UBE2K: variants seen among roughly 807,000 people sequenced by gnomAD.
UBE2K encodes the protein ubiquitin-conjugating enzyme E2 K.
Under a neutral mutation model 30.0 loss-of-function variants are expected in UBE2K, and 6 were observed. The observed-to-expected ratio is 0.20, with a 90% CI of 0.11 to 0.39. UBE2K has a LOEUF of 0.39. Ranked by LOEUF, UBE2K falls within the 10% of genes least tolerant of loss-of-function variation. The pLI is 1.00. For synonymous variants in UBE2K, 86 were observed against 83.7 expected, an observed-to-expected ratio of 1.03 and a Z score of -0.15; for missense variants, 61 against 241.6, an observed-to-expected ratio of 0.25 and a Z score of 4.96.
chr4:39,759,439 G>A (rs940069401), intron 4 of UBE2K, among the ~76,000 whole-genome samples: 10 of 152,112 alleles, frequency 6.6e-5, no homozygotes, highest in South Asian at 2.1e-4. Flanking sequence ...GTGCCACCAC[G>A]CCCAGCTAAT....
chr4:39,769,602 C>G (rs1253702196), intron 4 of UBE2K, among the ~76,000 whole-genome samples: 2 of 148,826 alleles, frequency 1.3e-5, no homozygotes, highest in Admixed American at 6.6e-5. Flanking sequence ...TAATCTTTTC[C>G]CCTTACCACT....
At chr4:39,739,089 G>A (rs540469280) in intron 2 of UBE2K, among the ~76,000 whole-genome samples, 21 of 151,282 alleles carry the variant, frequency 1.4e-4, no homozygotes, top group East Asian at 5.9e-4. Flanking sequence ...GTGCAGTGGC[G>A]CGATCTCGGC....
chr4:39,712,368 A>ATTTTTTTT (rs60301036), intron 1 of UBE2K, among the ~76,000 whole-genome samples: 1 of 53,620 alleles, frequency 1.9e-5, no homozygotes, highest in African/African-American at 8.1e-5. Context: ...CGCCCGGCCA[A>ATTTTTTTT]TTTTTTTTTT....
chr4:39,738,079 A>G (rs1720469760), intron 2 of UBE2K, among the ~76,000 whole-genome samples: 1 of 152,186 alleles, frequency 6.6e-6, no homozygotes, highest in South Asian at 2.1e-4. Flanking sequence ...AGACCATGGA[A>G]TCGGGTGGTA....
In UBE2K at chr4:39,749,753, G is replaced by C. The variant is rs375223890; in HGVS notation, c.216+3943G>C. Among the ~76,000 whole-genome samples, 3 of 152,004 alleles carry C rather than the reference G, an allele frequency of 2.0e-5. No individual in the cohort carries two copies. In the East Asian group the frequency reaches 5.8e-4, roughly 29 times the overall value. On this transcript the variant is annotated intron_variant, in intron 3 of 6. Transcript: ENST00000261427. ...TATCATCATACTTTTTACATGTTAAGTTGTATATACATACCAATGCTAATA... is the reference window on the plus strand; with the variant it reads ...TATCATCATACTTTTTACATGTTAACTTGTATATACATACCAATGCTAATA...
At chr4:39,776,065 GA>G (rs1048949415) in intron 5 of UBE2K, among the ~76,000 whole-genome samples, 4 of 152,172 alleles carry the variant, frequency 2.6e-5, no homozygotes, top group African/African-American at 9.7e-5. Flanking sequence ...CTAAGCACGA[GA>G]GCCTGGTGTT....
At chr4:39,759,288 T>A (rs891196745) in intron 4 of UBE2K, among the ~76,000 whole-genome samples, 2 of 152,204 alleles carry the variant, frequency 1.3e-5, no homozygotes, top group African/African-American at 4.8e-5. Flanking sequence ...TATTATTATT[T>A]TTTTTTGAGG....
intron 4 of UBE2K, among the ~76,000 whole-genome samples, chr4:39,760,433 T>C (rs1273421911): frequency 6.6e-6 from 1 of 152,122 alleles, no homozygotes; most frequent in Non-Finnish European, 1.5e-5. Context: ...AATTGATACA[T>C]TGTGATCACA....
At chr4:39,699,834 A>G (rs1444649993) in intron 1 of UBE2K, among the ~76,000 whole-genome samples, 3 of 152,198 alleles carry the variant, frequency 2.0e-5, no homozygotes, top group Non-Finnish European at 4.4e-5. Flanking sequence ...GAGCATGTGT[A>G]TGAACTCTGA....
intron 1 of UBE2K, among the ~76,000 whole-genome samples, chr4:39,720,855 T>C (rs1329227863): frequency 6.6e-6 from 1 of 152,152 alleles, no homozygotes; most frequent in East Asian, 1.9e-4. Context: ...GTGATTCTCC[T>C]GCCTCAGCCT....
At chr4:39,718,763 C>A (rs1030066069) in intron 1 of UBE2K, among the ~76,000 whole-genome samples, 3 of 152,254 alleles carry the variant, frequency 2.0e-5, no homozygotes, top group African/African-American at 4.8e-5. Context: ...CCCCTCACTG[C>A]CCAGGGCCAG....
At chr4:39,701,127 T>C (rs1453666645) in intron 1 of UBE2K, among the ~76,000 whole-genome samples, 1 of 152,216 alleles carries the variant, frequency 6.6e-6, no homozygotes, top group Non-Finnish European at 1.5e-5. Context: ...TTTGGAAATT[T>C]GTCAGATGTT....
At chr4:39,740,261 T>G (rs1720620354) in intron 2 of UBE2K, among the ~76,000 whole-genome samples, 1 of 152,122 alleles carries the variant, frequency 6.6e-6, no homozygotes, top group Admixed American at 6.6e-5. Context: ...AGTTTTAAAT[T>G]TTTTCATTGA....
chr4:39,753,914 A>G (rs2109372294), intron 3 of UBE2K, among the ~76,000 whole-genome samples: 1 of 152,236 alleles, frequency 6.6e-6, no homozygotes, highest in East Asian at 1.9e-4. Context: ...TGAGGTCAGG[A>G]GTTTGAGACC....
chr4:39,775,025 A>G, intron 5 of UBE2K, 92 bp downstream of exon 5: 2 of 638,224 alleles, frequency 3.1e-6, no homozygotes, highest in Admixed American at 3.9e-5. Context: ...AGCATACTCT[A>G]TTGAAACTAA....
At chr4:39,723,716 C>T (rs1719563761) in intron 1 of UBE2K, among the ~76,000 whole-genome samples, 2 of 152,088 alleles carry the variant, frequency 1.3e-5, no homozygotes, top group South Asian at 4.1e-4. Flanking sequence ...CTCAGAATGT[C>T]TTTGTAATTT....
chr4:39,763,409 A>G (rs1712102662), intron 4 of UBE2K, among the ~76,000 whole-genome samples: 1 of 151,718 alleles, frequency 6.6e-6, no homozygotes, highest in Non-Finnish European at 1.5e-5. Context: ...GTGCCACCAC[A>G]CCCAGCTAAT....
At position 39,755,639 on chromosome 4, in the gene UBE2K, G is replaced by A. The variant is rs751109891; in HGVS notation, c.217-18G>A. The A allele has an allele frequency of 1.3e-6, 2 of 1,575,330 alleles. No homozygotes were observed. Among genetic ancestry groups the A allele is most frequent in the Non-Finnish European group, 1.7e-6 (2 of 1,151,846 alleles). ...TTATTTCTGTTACTGAAAAACTCAAGTGTGCTTTATATTCTAGGTCCGGTT... is the reference window on the plus strand; with the variant it reads ...TTATTTCTGTTACTGAAAAACTCAAATGTGCTTTATATTCTAGGTCCGGTT... On this transcript the variant is annotated intron_variant, in intron 3 of 6. Coordinates refer to ENST00000261427, the MANE Select transcript of UBE2K (RefSeq NM_005339.5).
intron 1 of UBE2K, among the ~76,000 whole-genome samples, chr4:39,717,756 G>A (rs903790305): frequency 2.0e-5 from 3 of 152,100 alleles, no homozygotes; most frequent in East Asian, 1.9e-4. Context: ...TAAAGGCGGC[G>A]TGTCCGGAGT....
Sources: allele counts gnomAD v4.1 joint callset (sites outside exome capture counted in the v4.1 genomes callset), GRCh38; gene constraint gnomAD v4.1.1; transcripts MANE v1.5; gene names NCBI Gene and HGNC (gene_info 2026-07-23, HGNC 2026-07-21).